The following ARX variants were observed in gnomAD, a reference collection of about 807,000 sequenced individuals.
ARX encodes homeobox protein ARX.
Under a neutral mutation model 23.1 loss-of-function variants are expected in ARX, and 1 was observed. The ratio of observed to expected loss-of-function variants is 0.04; its 90% CI spans 0.02 to 0.21. ARX has a LOEUF of 0.21. Among genes scored for constraint, ARX ranks in the 10% least tolerant of loss-of-function variants. The probability of loss-of-function intolerance (pLI) is 1.00; values close to 1 mark genes in which losing one functional copy is unlikely to be tolerated. For missense variants in ARX, 380 were observed against 527.5 expected, an observed-to-expected ratio of 0.72 and a Z score of 2.74; for synonymous variants, 301 against 270.1, an observed-to-expected ratio of 1.11 and a Z score of -1.12.
intron 1 of ARX, 110 bp from the exon 2 acceptor site, chrX:25,013,908 CG>C: frequency 1.2e-6 from 1 of 853,732 alleles, no homozygotes; most frequent in Non-Finnish European, 1.4e-6. Context: ...CCCAGGCGTG[CG>C]GGGACCGCGC....
At chrX:25,010,625 G>A (rs1381692827) in intron 2 of ARX, among the ~76,000 whole-genome samples, 5 of 111,981 alleles carry the variant, frequency 4.5e-5, no homozygotes, top group Non-Finnish European at 9.4e-5. Context: ...TTAAGCCAGA[G>A]TTAGACAACA....
intron 1 of ARX, among the ~76,000 whole-genome samples, chrX:25,014,191 C>G (rs2048716026): frequency 9.2e-6 from 1 of 108,802 alleles, no homozygotes; most frequent in Non-Finnish European, 1.9e-5. Context: ...TTCTCCTTCT[C>G]TCCCCCTTTC....
chrX:25,015,890 C>G lies in ARX; in HGVS notation c.-153G>C. On this transcript the variant is annotated 5_prime_UTR_variant, in exon 1 of 5. Transcript: ENST00000379044. Reference sequence around the variant, plus strand: ...GTGCCTTTCTGCCTCCCTTGGTTGCCGGCTGCCGGCTCCCGCCCTGCCCGC... The same window carrying G: ...GTGCCTTTCTGCCTCCCTTGGTTGCGGGCTGCCGGCTCCCGCCCTGCCCGC... 1 of 638,600 alleles carries G rather than the reference C, an allele frequency of 1.6e-6. No homozygotes were observed. Among genetic ancestry groups the G allele is most frequent in the East Asian group, 3.6e-5 (1 of 28,014 alleles). The allele number at this position is 638,600 out of a possible 1,213,427, so 52.6% of individuals were successfully genotyped here. A position where few individuals can be genotyped will look rare whatever the true frequency, so the allele number is the denominator to read the frequency against.
At chrX:25,005,003 A>G in intron 4 of ARX, 93 bp from the exon 5 acceptor site, 1 of 1,032,710 alleles carries the variant, frequency 9.7e-7, no homozygotes, top group East Asian at 3.9e-5. Flanking sequence ...GGGGCAGCTG[A>G]GGGGCGCGGT....
At position 25,010,240 on chromosome X, in the gene ARX, C is replaced by T. The variant is rs2048696652; in HGVS notation, c.1119+20G>A. On this transcript the variant is annotated intron_variant, in intron 3 of 4. Transcript: ENST00000379044. ...CCCCCAGCCCTCCTCCCTCCCTCTT[C>T]CCTCTGTTGTGCAGCTCACCTGGAC... is the stretch of plus-strand genomic sequence containing the variant. 1 of 1,163,443 alleles carries T rather than the reference C, an allele frequency of 8.6e-7. No homozygotes were observed. Among genetic ancestry groups the T allele is most frequent in the Admixed American group, 2.3e-5 (1 of 44,204 alleles).
At position 25,013,161 on chromosome X, in the gene ARX, A is replaced by C; in HGVS notation, c.834T>G (p.Ala278=). ...VAATGAVAAA[A]AAAVATEGGE... The stretch of plus-strand genomic sequence containing the variant: ...CGCCCTCTGTGGCCACTGCAGCGGC[A>C]GCTGCTGCGGCCACGGCGCCAGTGG... Residue 278 remains alanine, a synonymous_variant, in exon 2 of 5, where the codon GCT becomes GCG. Coordinates refer to ENST00000379044, the MANE Select transcript of ARX (RefSeq NM_139058.3). 3.3e-6 allele frequency: 4 copies of C among 1,194,922 alleles called. No homozygotes were observed. Among genetic ancestry groups the C allele is most frequent in the Non-Finnish European group, 3.4e-6 (3 of 888,270 alleles).
chrX:25,014,527 G>C (rs1661708584), intron 1 of ARX, among the ~76,000 whole-genome samples: 1 of 112,693 alleles, frequency 8.9e-6, no homozygotes, highest in Admixed American at 9.3e-5. Context: ...GAGAGGGTGG[G>C]GGGGCTTCTT....
chrX:25,005,020 G>C, intron 4 of ARX, 110 bp from the exon 5 acceptor site: 1 of 1,002,562 alleles, frequency 1.0e-6, no homozygotes, highest in Non-Finnish European at 1.3e-6. Flanking sequence ...CGGTACCCAC[G>C]GGACCCGGAT....
chrX:25,004,556 C>A lies in ARX; in HGVS notation c.*114G>T. Reference sequence around the variant, plus strand: ...AGACTGCTGTGAAGGCGGCTGCGCTCTCTCAGTGCCGTCTCGGGAGTGTGC... The same window carrying A: ...AGACTGCTGTGAAGGCGGCTGCGCTATCTCAGTGCCGTCTCGGGAGTGTGC... On this transcript the variant is annotated 3_prime_UTR_variant, in exon 5 of 5. Transcript: ENST00000379044. 2 of 1,121,861 alleles carry A rather than the reference C, an allele frequency of 1.8e-6. No individual in the cohort carries two copies. The highest frequency in any genetic ancestry group is 5.2e-5 in the Admixed American group (2 of 38,416). The allele number at this position is 1,121,861 out of a possible 1,213,427, so 92.5% of individuals were successfully genotyped here.
intron 1 of ARX, among the ~76,000 whole-genome samples, chrX:25,014,219 T>C (rs1460403186): frequency 9.0e-6 from 1 of 110,504 alleles, no homozygotes; most frequent in Non-Finnish European, 1.9e-5. Flanking sequence ...TTTTGCAGGC[T>C]TTCTCTCCCC....
chrX:25,005,315 G>A (rs1001384484), intron 4 of ARX, among the ~76,000 whole-genome samples: 1 of 100,271 alleles, frequency 1.0e-5, no homozygotes. Flanking sequence ...GGAGAGGAGA[G>A]CAAAAGAAGG....
chrX:25,013,393 G>T lies in ARX; in HGVS notation c.602C>A (p.Pro201Gln), dbSNP rs1484238484. Residue 201 changes from proline to glutamine, a missense_variant, in exon 2 of 5, where the codon CCG becomes CAG. Physicochemically the swap from Pro to Gln is moderately conservative, Grantham distance 76. Around this residue, in one of 3 missense-constraint regions of ARX, gnomAD observed 235 missense variants for 270.2 expected, o/e 0.87. Transcript: ENST00000379044. The stretch of plus-strand genomic sequence containing the variant: ...GCCGGCCACGCCGAGGCGCTCCTCC[G>T]GGTGCGTGACGCCCCCCGGGCCGCC... ...ELGGPGGVTH[P>Q]EERLGVAGGP... 2.7e-6 allele frequency: 3 copies of T among 1,097,145 alleles called. No individual in the cohort carries two copies. Among genetic ancestry groups the T allele is most frequent in the Admixed American group, 6.5e-5 (2 of 30,956 alleles). The allele number at this position is 1,097,145 out of a possible 1,213,427, so 90.4% of individuals were successfully genotyped here. A position where few individuals can be genotyped will look rare whatever the true frequency, so the allele number is the denominator to read the frequency against.
chrX:25,004,694 G>A lies in ARX; in HGVS notation c.1665C>T (p.Thr555=), dbSNP rs2048669025. 3 of 1,165,273 alleles carry A rather than the reference G, an allele frequency of 2.6e-6. No individual in the cohort carries two copies. Among genetic ancestry groups the A allele is most frequent in the Non-Finnish European group, 3.4e-6 (3 of 872,630 alleles). The change falls in exon 5 of 5, where the codon ACC becomes ACT. Residue 555 remains threonine, a synonymous_variant. Transcript: ENST00000379044. Reference sequence around the variant, plus strand: ...TTTAGCACACCTCCTTGCCCGTGCTGGTGCCCGGCAGGATGTTGAGCTGCG... The same window carrying A: ...TTTAGCACACCTCCTTGCCCGTGCTAGTGCCCGGCAGGATGTTGAGCTGCG... ...QLTQLNILPG[T]STGKEVC is the part of the protein sequence containing the mutation.
chrX:25,005,862 G>T (rs1227813589), intron 4 of ARX: 1 of 112,365 alleles, frequency 8.9e-6, no homozygotes, highest in Non-Finnish European at 1.9e-5. Context: ...CCACCCCCAC[G>T]CCCACCGCCT....
intron 2 of ARX, among the ~76,000 whole-genome samples, chrX:25,010,882 C>G (rs1488116053): frequency 9.0e-6 from 1 of 110,519 alleles, no homozygotes; most frequent in South Asian, 3.9e-4. Context: ...CCCCATTACC[C>G]TCTGCAGGTA....
At chrX:25,005,037 C>T in intron 4 of ARX, 127 bp from the exon 5 acceptor site, 1 of 949,456 alleles carries the variant, frequency 1.1e-6, no homozygotes, top group Non-Finnish European at 1.4e-6. Context: ...GGATGGGCCG[C>T]GGCGGGGAAG....
intron 2 of ARX, among the ~76,000 whole-genome samples, chrX:25,010,826 C>G (rs762686911): frequency 4.8e-4 from 53 of 110,905 alleles, no homozygotes; most frequent in Non-Finnish European, 8.9e-4. Context: ...CCCTCCATCT[C>G]TCTCTCCCCC....
Position 25,015,567 on chromosome X carries a change from G to C in ARX, c.171C>G (p.Arg57=). ...CTTGCACGGCCTTTTCCGGGTCGGCGCGGCTGGTCAGCGGAGCAGGCAAGC... is the reference window on the plus strand; with the variant it reads ...CTTGCACGGCCTTTTCCGGGTCGGCCCGGCTGGTCAGCGGAGCAGGCAAGC... ...AQSLPAPLTS[R]ADPEKAVQGS... Residue 57 remains arginine (R), a synonymous_variant, in exon 1 of 5, where the codon CGC becomes CGG. Coordinates refer to ENST00000379044, the MANE Select transcript of ARX (RefSeq NM_139058.3). The C allele has an allele frequency of 8.3e-7, 1 of 1,210,835 alleles. No individual in the cohort carries two copies. The highest frequency in any genetic ancestry group is 1.1e-6 in the Non-Finnish European group (1 of 895,091).
chrX:25,009,637 A>C (rs1045712219), intron 3 of ARX, among the ~76,000 whole-genome samples: 1 of 111,229 alleles, frequency 9.0e-6, no homozygotes, highest in African/African-American at 3.3e-5. Flanking sequence ...TCGGAAATGC[A>C]CTCTGGTATG....
Sources: allele counts gnomAD v4.1 joint callset (sites outside exome capture counted in the v4.1 genomes callset), GRCh38; gene constraint gnomAD v4.1.1; regional missense constraint gnomAD v4.1.1; transcripts MANE v1.5; gene names NCBI Gene and HGNC (gene_info 2026-07-23, HGNC 2026-07-21).